Variants in PPARGC1A observed in about 807,000 individuals in gnomAD.
PPARGC1A encodes the protein peroxisome proliferator-activated receptor gamma coactivator 1-alpha.
Under a neutral mutation model 88.7 loss-of-function variants are expected in PPARGC1A, and 25 were observed. The observed-to-expected ratio is 0.28, with a 90% CI of 0.21 to 0.39. The LOEUF is 0.39. Among genes scored for constraint, PPARGC1A ranks in the 10% least tolerant of loss-of-function variants. The pLI, the probability that PPARGC1A is intolerant of heterozygous loss-of-function variation, is 1.00. For missense variants in PPARGC1A, 880 were observed against 968.7 expected (o/e 0.91, Z 1.22); for synonymous variants, 363 against 355.6 (o/e 1.02, Z -0.24).
upstream of PPARGC1A, among the ~76,000 whole-genome samples, chr4:23,906,562 G>T (rs1188843439): frequency 7.0e-6 from 1 of 143,022 alleles, no homozygotes; most frequent in Non-Finnish European, 1.5e-5. Context: ...GGCCTTGACG[G>T]TGCTACGCAC....
At chr4:24,434,393 G>A in the PPARGC1A span, among the ~76,000 whole-genome samples, 2 of 152,136 alleles carry the variant, frequency 1.3e-5, no homozygotes, top group East Asian at 1.9e-4. Flanking sequence ...CAGGGTGCCC[G>A]GGAGAGCTGA....
chr4:23,834,193 G>C (rs767665141), intron 2 of PPARGC1A, among the ~76,000 whole-genome samples: 2 of 152,080 alleles, frequency 1.3e-5, no homozygotes, highest in African/African-American at 4.8e-5. Context: ...CCAGCTACAC[G>C]GGAGGCTGAG....
intron 2 of PPARGC1A, among the ~76,000 whole-genome samples, chr4:23,837,001 C>T (rs973748662): frequency 4.6e-5 from 7 of 152,168 alleles, no homozygotes; most frequent in Non-Finnish European, 5.9e-5. Context: ...GGACCATGCC[C>T]TGCTTATGTT....
the PPARGC1A span, among the ~76,000 whole-genome samples, chr4:24,464,443 A>G: frequency 6.6e-6 from 1 of 152,246 alleles, no homozygotes; most frequent in Non-Finnish European, 1.5e-5. Context: ...ATAATCACTC[A>G]TTGTTAACAT....
At chr4:23,869,235 AC>A (rs1325171797) in intron 2 of PPARGC1A, among the ~76,000 whole-genome samples, 3 of 152,280 alleles carry the variant, frequency 2.0e-5, no homozygotes, top group South Asian at 2.1e-4. Context: ...AAAAAATTGA[AC>A]AAGGGGAAGA....
chr4:24,098,130 C>T, the PPARGC1A span, among the ~76,000 whole-genome samples: 1 of 152,124 alleles, frequency 6.6e-6, no homozygotes, highest in Admixed American at 6.5e-5. Context: ...TATTGGAGGG[C>T]CAGGAATCCT....
At chr4:24,129,335 T>G in the PPARGC1A span, among the ~76,000 whole-genome samples, 1 of 152,120 alleles carries the variant, frequency 6.6e-6, no homozygotes, top group Admixed American at 6.6e-5. Flanking sequence ...TTGGTAGAGA[T>G]CTACAGATGG....
In PPARGC1A at chr4:23,818,796, T is replaced by C. The variant is rs961926890; in HGVS notation, c.878-4191A>G. 2.7e-5 allele frequency among the ~76,000 whole-genome samples: 4 copies of C among 148,756 alleles called. No homozygotes were observed. The South Asian group carries it at 6.6e-4, about 24-fold the overall frequency. On this transcript the variant is annotated intron_variant, in intron 7 of 12. Coordinates refer to ENST00000264867, the MANE Select transcript of PPARGC1A (RefSeq NM_013261.5). ...TTGAATGACTCTGATAAATGGTGAGTCCCTGGCTCTGTTTCTTGTGATGTG... is the reference window on the plus strand; with the variant it reads ...TTGAATGACTCTGATAAATGGTGAGCCCCTGGCTCTGTTTCTTGTGATGTG...
At position 23,837,131 on chromosome 4, in the gene PPARGC1A, T is replaced by A. The variant is rs28608824; in HGVS notation, c.235-5380A>T. 4.9e-3 allele frequency among the ~76,000 whole-genome samples: 751 copies of A among 152,312 alleles called. 4 individuals carry two copies. The highest frequency in any genetic ancestry group is 0.017 in the African/African-American group (688 of 41,562). On this transcript the variant is annotated intron_variant, in intron 2 of 12. Coordinates refer to ENST00000264867, the MANE Select transcript of PPARGC1A (RefSeq NM_013261.5). Reference sequence around the variant, plus strand: ...TAGCCATTTAATCACAGCTTCATTATCTTGGCTCTCTTAATGTGAATTAGG... The same window carrying A: ...TAGCCATTTAATCACAGCTTCATTAACTTGGCTCTCTTAATGTGAATTAGG...
chr4:23,884,952 A>T (rs1279510290), intron 1 of PPARGC1A, 21 bp from the exon 2 acceptor site: 1 of 1,526,788 alleles, frequency 6.5e-7, no homozygotes, highest in Non-Finnish European at 8.8e-7. Context: ...CAGAAAAAAA[A>T]AATTTAAAAA....
At chr4:24,113,859 C>T in the PPARGC1A span, among the ~76,000 whole-genome samples, 2 of 152,012 alleles carry the variant, frequency 1.3e-5, no homozygotes, top group Non-Finnish European at 2.9e-5. Context: ...TACAGTGGCT[C>T]ACACCTGTAA....
rs771019556 is a variant in PPARGC1A at position 23,824,339 on chromosome 4, G to A, written c.818C>T (p.Ser273Phe). Residue 273 changes from serine (S) to phenylalanine (F), a missense_variant, in exon 7 of 13, where the codon TCC becomes TTC. Ser to Phe is a radical substitution (Grantham distance 155). Transcript: ENST00000264867. ...TTCAATAGTCTTGTTCTCAAATGGG[G>A]AACCCTTGGGGTCACTGGAAGATAT... ...TPESPNDPKG[S>F]PFENKTIERT... The A allele has an allele frequency of 2.5e-6, 4 of 1,613,406 alleles. No homozygotes were observed. The highest frequency in any genetic ancestry group is 2.7e-5 in the African/African-American group (2 of 74,934).
At chr4:24,204,664 C>A in the PPARGC1A span, among the ~76,000 whole-genome samples, 1 of 152,044 alleles carries the variant, frequency 6.6e-6, no homozygotes, top group African/African-American at 2.4e-5. Context: ...AAAGGCATCA[C>A]CCTTCCTTTG....
the PPARGC1A span, among the ~76,000 whole-genome samples, chr4:24,166,760 T>G: frequency 6.6e-6 from 1 of 152,204 alleles, no homozygotes; most frequent in African/African-American, 2.4e-5. Flanking sequence ...CATGGTTTAC[T>G]GGATATTTTA....
chr4:24,408,214 A>G, the PPARGC1A span, among the ~76,000 whole-genome samples: 2 of 152,290 alleles, frequency 1.3e-5, no homozygotes, highest in South Asian at 2.1e-4. Context: ...GGAAATTTCA[A>G]CAAGACAAAC....
chr4:23,907,262 A>G (rs1720154075), upstream of PPARGC1A, among the ~76,000 whole-genome samples: 1 of 152,234 alleles, frequency 6.6e-6, no homozygotes, highest in Non-Finnish European at 1.5e-5. Context: ...ACCACTGATT[A>G]TAACCGAGTA....
chr4:24,326,962 T>A, the PPARGC1A span, among the ~76,000 whole-genome samples: 2 of 152,210 alleles, frequency 1.3e-5, no homozygotes, highest in Non-Finnish European at 2.9e-5. Flanking sequence ...AGTTTAGGCT[T>A]CCCACCTCTA....
the PPARGC1A span, among the ~76,000 whole-genome samples, chr4:24,178,276 T>C: frequency 6.6e-6 from 1 of 152,216 alleles, no homozygotes; most frequent in Non-Finnish European, 1.5e-5. Context: ...AGTACTTTTG[T>C]TAGAGGGAGA....
chr4:24,425,007 A>G, the PPARGC1A span, among the ~76,000 whole-genome samples: 1 of 152,222 alleles, frequency 6.6e-6, no homozygotes, highest in African/African-American at 2.4e-5. Context: ...ATCTGGATTC[A>G]AATTTTCCCT....
Sources: gnomAD v4.1 joint callset for allele counts (sites outside exome capture counted in the v4.1 genomes callset) on GRCh38, gnomAD v4.1.1 for gene constraint, MANE v1.5 for transcripts, NCBI Gene and HGNC (gene_info 2026-07-23, HGNC 2026-07-21) for gene names.